Variants in LRRC4C observed in about 807,000 individuals in gnomAD.
LRRC4C encodes leucine rich repeat containing 4C, also known as leucine-rich repeat-containing protein 4C.
In LRRC4C, 5 loss-of-function variants were observed where a neutral mutation model predicts 33.6. The ratio of observed to expected loss-of-function variants is 0.15; its 90% CI spans 0.08 to 0.31. The LOEUF is 0.31. Among genes scored for constraint, LRRC4C ranks in the 10% least tolerant of loss-of-function variants. The pLI is 1.00. For missense variants in LRRC4C, 560 were observed against 796.7 expected (o/e 0.70, Z 3.58); for synonymous variants, 329 against 302.0 (o/e 1.09, Z -0.93).
intron 2 of LRRC4C, among the ~76,000 whole-genome samples, chr11:40,735,697 C>T (rs7123711): frequency 0.81 from 106,704 of 132,110 alleles, 43,551 homozygotes; most frequent in African/African-American, 0.87. Context: ...CTGGGTCAAA[C>T]GGTATTTCTA....
At chr11:41,027,275 T>TCAAAG (rs1422990446) in intron 1 of LRRC4C, among the ~76,000 whole-genome samples, 2 of 151,674 alleles carry the variant, frequency 1.3e-5, no homozygotes, top group Non-Finnish European at 3.0e-5. Context: ...GTCAAAAATT[T>TCAAAG]CAAAGCAAAG....
chr11:41,304,806 C>T (rs1270033742), intron 1 of LRRC4C, among the ~76,000 whole-genome samples: 4 of 90,834 alleles, frequency 4.4e-5, no homozygotes, highest in Admixed American at 1.0e-4. Context: ...CCGCCCCATC[C>T]GGGAGGGAGG....
intron 3 of LRRC4C, among the ~76,000 whole-genome samples, chr11:40,337,265 T>C (rs1034230938): frequency 5.3e-5 from 8 of 152,200 alleles, no homozygotes; most frequent in Non-Finnish European, 7.3e-5. Context: ...GACAGACCAG[T>C]AAGGCTTTAC....
chr11:40,193,299 T>C (rs1488633483), intron 5 of LRRC4C, among the ~76,000 whole-genome samples: 2 of 152,140 alleles, frequency 1.3e-5, no homozygotes, highest in Admixed American at 6.5e-5. Context: ...CTGCTGGTGA[T>C]ACCAGGGCAA....
intron 3 of LRRC4C, among the ~76,000 whole-genome samples, chr11:40,501,996 T>C (rs988687830): frequency 5.3e-5 from 8 of 152,210 alleles, no homozygotes; most frequent in South Asian, 2.1e-4. Flanking sequence ...AAATTTCTTC[T>C]GCCAGATACC....
chr11:40,701,073 C>T (rs1374378050), intron 2 of LRRC4C, among the ~76,000 whole-genome samples: 2 of 152,064 alleles, frequency 1.3e-5, no homozygotes, highest in African/African-American at 4.8e-5. Flanking sequence ...TATGGCTTCA[C>T]CTCCCATAAA....
chr11:40,374,164 T>C (rs1316481115), intron 3 of LRRC4C, among the ~76,000 whole-genome samples: 1 of 152,162 alleles, frequency 6.6e-6, no homozygotes, highest in Admixed American at 6.5e-5. Context: ...ATAACCATTT[T>C]GTAAGAATGA....
At chr11:40,470,106 G>A (rs760678823) in intron 3 of LRRC4C, among the ~76,000 whole-genome samples, 1 of 152,160 alleles carries the variant, frequency 6.6e-6, no homozygotes, top group Non-Finnish European at 1.5e-5. Context: ...TCCCAGCAGG[G>A]GTCGACAGAC....
intron 1 of LRRC4C, among the ~76,000 whole-genome samples, chr11:41,014,472 AT>A (rs1273903432): frequency 7.4e-6 from 1 of 136,010 alleles, no homozygotes; most frequent in Non-Finnish European, 1.6e-5. Context: ...AGTACAGATT[AT>A]TTTTTTCTAT....
intron 1 of LRRC4C, among the ~76,000 whole-genome samples, chr11:41,344,377 C>G (rs939594921): frequency 6.6e-6 from 1 of 151,978 alleles, no homozygotes; most frequent in Non-Finnish European, 1.5e-5. Flanking sequence ...CCCGCCACCA[C>G]GCCTGGCTAA....
At chr11:40,957,574 A>G (rs187198346) in intron 1 of LRRC4C, among the ~76,000 whole-genome samples, 4 of 151,904 alleles carry the variant, frequency 2.6e-5, no homozygotes, top group African/African-American at 9.6e-5. Flanking sequence ...TCAGAGCTGT[A>G]TTATGTACAA....
intron 1 of LRRC4C, among the ~76,000 whole-genome samples, chr11:41,343,096 G>GA (rs1156383266): frequency 6.6e-6 from 1 of 152,158 alleles, no homozygotes; most frequent in East Asian, 1.9e-4. Context: ...GTTAATCCAA[G>GA]ATGATCTCAT....
intron 3 of LRRC4C, among the ~76,000 whole-genome samples, chr11:40,468,642 T>C (rs1486036953): frequency 1.3e-5 from 2 of 152,230 alleles, no homozygotes; most frequent in Non-Finnish European, 1.5e-5. Context: ...CCATTCATGC[T>C]GGCATTTTGG....
intron 2 of LRRC4C, among the ~76,000 whole-genome samples, chr11:40,897,204 C>T (rs1955986584): frequency 1.3e-5 from 2 of 152,122 alleles, no homozygotes; most frequent in Admixed American, 1.3e-4. Flanking sequence ...AGAAAGAATA[C>T]TCAGTATCCT....
chr11:41,064,385 C>A (rs910842764), intron 1 of LRRC4C, among the ~76,000 whole-genome samples: 2 of 152,070 alleles, frequency 1.3e-5, no homozygotes, highest in Admixed American at 1.3e-4. Context: ...GTAAAGTAGC[C>A]CATTTGTGTT....
chr11:41,004,991 C>CATTATT (rs200013999), intron 1 of LRRC4C, among the ~76,000 whole-genome samples: 1 of 104,812 alleles, frequency 9.5e-6, no homozygotes, highest in Non-Finnish European at 2.1e-5. Flanking sequence ...TTATAACTTT[C>CATTATT]ATTATTATTA....
At chr11:41,001,612 TA>T (rs11318314) in intron 1 of LRRC4C, among the ~76,000 whole-genome samples, 91,158 of 150,520 alleles carry the variant, frequency 0.61, 27,597 homozygotes, top group East Asian at 0.68. Context: ...TCTACATAAT[TA>T]AAAAAAAAAA....
intron 4 of LRRC4C, among the ~76,000 whole-genome samples, chr11:40,318,933 A>C (rs1945710030): frequency 6.6e-6 from 1 of 152,186 alleles, no homozygotes; most frequent in South Asian, 2.1e-4. Flanking sequence ...TTTGCCTAGA[A>C]TATTTCTTCT....
At chr11:41,402,778 G>A (rs1291418289) in intron 1 of LRRC4C, among the ~76,000 whole-genome samples, 1 of 151,958 alleles carries the variant, frequency 6.6e-6, no homozygotes, top group Non-Finnish European at 1.5e-5. Context: ...GAATCTGGCT[G>A]ATAGTTCATT....
Sources: allele counts gnomAD v4.1 joint callset (sites outside exome capture counted in the v4.1 genomes callset), GRCh38; gene constraint gnomAD v4.1.1; transcripts MANE v1.5; gene names NCBI Gene and HGNC (gene_info 2026-07-23, HGNC 2026-07-21).